The following MRTFA variants were observed in gnomAD, a reference collection of about 807,000 sequenced individuals.
The protein encoded by MRTFA is myocardin-related transcription factor A.
MRTFA carries 20 observed loss-of-function variants against 83.5 expected under a neutral mutation model. That is an observed-to-expected ratio of 0.24 (90% CI 0.17 to 0.35). The LOEUF (loss-of-function observed/expected upper bound fraction) is 0.35. Ranked by LOEUF, MRTFA falls within the 10% of genes least tolerant of loss-of-function variation. The probability of loss-of-function intolerance (pLI) is 1.00; values close to 1 mark genes in which losing one functional copy is unlikely to be tolerated. For missense variants in MRTFA, 1,200 were observed against 1,224.7 expected (o/e 0.98, Z 0.30); for synonymous variants, 659 against 541.2 (o/e 1.22, Z -3.02).
chr22:40,549,448 A>G (rs1020830976), intron 3 of MRTFA, among the ~76,000 whole-genome samples: 1 of 152,204 alleles, frequency 6.6e-6, no homozygotes, highest in Non-Finnish European at 1.5e-5. Flanking sequence ...TTTCAAAAAC[A>G]AAAAGAAACC....
chr22:40,480,940 C>A (rs1003891995), intron 3 of MRTFA, among the ~76,000 whole-genome samples: 2 of 151,786 alleles, frequency 1.3e-5, no homozygotes, highest in Admixed American at 6.6e-5. Flanking sequence ...CTGAGCAACA[C>A]AGGGAGACCC....
chr22:40,589,185 C>A (rs1400944175), intron 2 of MRTFA, among the ~76,000 whole-genome samples: 1 of 151,994 alleles, frequency 6.6e-6, no homozygotes, highest in African/African-American at 2.4e-5. Context: ...GTGACAGAGA[C>A]AATTACAGCA....
At chr22:40,521,156 C>T (rs1465573513) in intron 3 of MRTFA, among the ~76,000 whole-genome samples, 1 of 152,172 alleles carries the variant, frequency 6.6e-6, no homozygotes, top group Non-Finnish European at 1.5e-5. Context: ...TGCAAAACTA[C>T]AGTACAATAT....
chr22:40,554,650 T>C (rs548460059), intron 2 of MRTFA, among the ~76,000 whole-genome samples: 35 of 152,360 alleles, frequency 2.3e-4, no homozygotes, highest in African/African-American at 8.4e-4. Context: ...CAGTTCTTTA[T>C]AGCAGCAGTT....
At chr22:40,437,802 T>A (rs1378108470) in intron 4 of MRTFA, among the ~76,000 whole-genome samples, 1 of 151,900 alleles carries the variant, frequency 6.6e-6, no homozygotes, top group Non-Finnish European at 1.5e-5. Context: ...ATACTTTTCT[T>A]GTTTACTCTC....
rs533493507 is a variant in MRTFA at position 40,606,187 on chromosome 22, C to A, written c.-83-11452G>T. On this transcript the variant is annotated intron_variant, in intron 1 of 14. Coordinates refer to ENST00000355630, the MANE Select transcript of MRTFA (RefSeq NM_020831.6). ...AATTCTCTCTGAAAAAAAAAAAATT[C>A]TCATTCCAAAGTCTGAACAAGAATA... Among the ~76,000 whole-genome samples the A allele has an allele frequency of 7.2e-5, 11 of 152,174 alleles. No homozygotes were observed. The South Asian group carries it at 2.3e-3, about 32-fold the overall frequency.
intron 2 of MRTFA, chr22:40,587,368 A>G (rs2056046897): frequency 5.0e-6 from 2 of 399,350 alleles, no homozygotes; most frequent in East Asian, 7.1e-5. Flanking sequence ...TGACAATACA[A>G]TCATCTTCAT....
intron 1 of MRTFA, among the ~76,000 whole-genome samples, chr22:40,628,682 G>A (rs1289728235): frequency 2.6e-5 from 4 of 151,976 alleles, no homozygotes; most frequent in Admixed American, 6.6e-5. Flanking sequence ...TTTTCACAAC[G>A]CTCTTTCTTC....
intron 3 of MRTFA, among the ~76,000 whole-genome samples, chr22:40,478,408 A>G (rs1433387368): frequency 6.6e-6 from 1 of 152,218 alleles, no homozygotes; most frequent in Non-Finnish European, 1.5e-5. Context: ...TCAAGGATAC[A>G]CAGGAACTCT....
intron 3 of MRTFA, among the ~76,000 whole-genome samples, chr22:40,534,774 T>G (rs1396194409): frequency 6.6e-6 from 1 of 152,204 alleles, no homozygotes; most frequent in Non-Finnish European, 1.5e-5. Context: ...CCATGTTTGG[T>G]GTGTTTATCT....
chr22:40,519,564 G>C (rs139405075), intron 3 of MRTFA: 1 of 1,347,884 alleles, frequency 7.4e-7, no homozygotes, highest in Non-Finnish European at 9.8e-7. Context: ...CCAAAGTGGA[G>C]GTGAAAGGCA....
intron 14 of MRTFA, among the ~76,000 whole-genome samples, chr22:40,413,060 C>T (rs528089238): frequency 2.2e-3 from 328 of 147,434 alleles, no homozygotes; most frequent in Middle Eastern, 3.6e-3. Context: ...TGGCTTGAAC[C>T]CGGGAGGCGG....
chr22:40,527,527 G>A (rs2054997972), intron 3 of MRTFA, among the ~76,000 whole-genome samples: 1 of 152,026 alleles, frequency 6.6e-6, no homozygotes, highest in Admixed American at 6.6e-5. Context: ...GGAGGCTGAG[G>A]TGGGCAGATC....
At chr22:40,548,358 C>CAAAAAAAA (rs10664022) in intron 3 of MRTFA, among the ~76,000 whole-genome samples, 1 of 66,146 alleles carries the variant, frequency 1.5e-5, no homozygotes, top group Non-Finnish European at 2.6e-5. Flanking sequence ...GACTCCGTCT[C>CAAAAAAAA]AAAAAAAAAA....
At chr22:40,532,456 T>G (rs1012693409) in intron 3 of MRTFA, among the ~76,000 whole-genome samples, 2 of 152,216 alleles carry the variant, frequency 1.3e-5, no homozygotes, top group Non-Finnish European at 2.9e-5. Context: ...ATAAGCACAC[T>G]ATCTTGTTTA....
At chr22:40,533,316 G>C (rs1420342013) in intron 3 of MRTFA, among the ~76,000 whole-genome samples, 1 of 152,194 alleles carries the variant, frequency 6.6e-6, no homozygotes, top group African/African-American at 2.4e-5. Flanking sequence ...TACAACACTT[G>C]ATTAAAGAAG....
intron 2 of MRTFA, among the ~76,000 whole-genome samples, chr22:40,580,596 C>A (rs926160616): frequency 6.6e-6 from 1 of 152,088 alleles, no homozygotes; most frequent in African/African-American, 2.4e-5. Context: ...GCCATATTTG[C>A]GTCAGATTTT....
chr22:40,519,629 C>T (rs1335268288), intron 3 of MRTFA: 1 of 1,275,730 alleles, frequency 7.8e-7, no homozygotes, highest in Non-Finnish European at 1.0e-6. Context: ...TACATAAAAG[C>T]AAAAAAGAAA....
chr22:40,560,371 A>G (rs1460000728), intron 2 of MRTFA, among the ~76,000 whole-genome samples: 1 of 152,246 alleles, frequency 6.6e-6, no homozygotes, highest in Admixed American at 6.5e-5. Context: ...AGTCATATAC[A>G]AGCACTGACA....
Sources: gnomAD v4.1 joint callset for allele counts (sites outside exome capture counted in the v4.1 genomes callset) on GRCh38, gnomAD v4.1.1 for gene constraint, MANE v1.5 for transcripts, NCBI Gene and HGNC (gene_info 2026-07-23, HGNC 2026-07-21) for gene names.